Variants in MYO1E observed in about 807,000 individuals in gnomAD.
MYO1E encodes myosin IE.
In MYO1E, 68 loss-of-function variants were observed where a neutral mutation model predicts 151.1. The observed-to-expected ratio is 0.45, with a 90% CI of 0.37 to 0.55. The LOEUF (loss-of-function observed/expected upper bound fraction) is 0.55. MYO1E is among the 20% of genes least tolerant of loss of function. The pLI is 0.00. For missense variants in MYO1E, 1,363 were observed against 1,389.3 expected, an observed-to-expected ratio of 0.98 and a Z score of 0.30; for synonymous variants, 601 against 501.7, an observed-to-expected ratio of 1.20 and a Z score of -2.64.
chr15:59,142,553 G>A (rs2079416641), intron 26 of MYO1E, among the ~76,000 whole-genome samples: 1 of 152,096 alleles, frequency 6.6e-6, no homozygotes, highest in Non-Finnish European at 1.5e-5. Flanking sequence ...TAGGACACTT[G>A]GCCCTCATGC....
At chr15:59,149,865 T>C (rs1317830266) in intron 26 of MYO1E, among the ~76,000 whole-genome samples, 1 of 152,224 alleles carries the variant, frequency 6.6e-6, no homozygotes, top group Non-Finnish European at 1.5e-5. Flanking sequence ...GGAATTTTCA[T>C]GTTTATGGAA....
chr15:59,266,621 A>G (rs1373134413), intron 2 of MYO1E: 3 of 149,042 alleles, frequency 2.0e-5, no homozygotes, highest in African/African-American at 7.6e-5. Context: ...ATGAAATGTG[A>G]TGGCAGTACA....
At chr15:59,186,607 T>C (rs2079699769) in intron 18 of MYO1E, among the ~76,000 whole-genome samples, 1 of 152,148 alleles carries the variant, frequency 6.6e-6, no homozygotes, top group Non-Finnish European at 1.5e-5. Flanking sequence ...AAAAGTCATC[T>C]GGGCATGGTG....
At position 59,165,091 on chromosome 15, in the gene MYO1E, C is replaced by T. The variant is rs74616956; in HGVS notation, c.2481-1788G>A. 3.3e-3 allele frequency among the ~76,000 whole-genome samples: 508 copies of T among 152,306 alleles called. 2 individuals carry two copies. Among genetic ancestry groups the T allele is most frequent in the African/African-American group, 0.012 (479 of 41,560 alleles). ...GCCTGCACCTTGACCTTGGACTTCCCGGTCTCTAGAACTGTAAAAATTAAA... is the reference window on the plus strand; with the variant it reads ...GCCTGCACCTTGACCTTGGACTTCCTGGTCTCTAGAACTGTAAAAATTAAA... On this transcript the variant is annotated intron_variant, in intron 22 of 27. Coordinates refer to ENST00000288235, the MANE Select transcript of MYO1E (RefSeq NM_004998.4).
intron 26 of MYO1E, among the ~76,000 whole-genome samples, chr15:59,141,874 G>C (rs7173999): frequency 6.6e-6 from 1 of 150,964 alleles, no homozygotes; most frequent in African/African-American, 2.4e-5. Context: ...TGGGGAGGCC[G>C]AGGTGGGTGG....
Position 59,207,118 on chromosome 15 carries a change from C to T in MYO1E, c.1530+1563G>A, listed in dbSNP as rs369242517. 3.7e-6 allele frequency: 6 copies of T among 1,614,070 alleles called. No individual in the cohort carries two copies. In the African/African-American group the frequency reaches 5.3e-5, roughly 14 times the overall value. On this transcript the variant is annotated intron_variant, in intron 14 of 27. Coordinates refer to ENST00000288235, the MANE Select transcript of MYO1E (RefSeq NM_004998.4). ...GACTGTGAAGAGTGAGCTTATTGAG[C>T]GTTTCACTTCCGAGAAGCCCGTTCA...
At chr15:59,214,780 G>A in intron 10 of MYO1E, 60 bp from the exon 11 acceptor site, 13 of 1,338,478 alleles carry the variant, frequency 9.7e-6, no homozygotes, top group Non-Finnish European at 1.4e-5. Context: ...AAACGGGCAT[G>A]CACTGGGGAA....
At chr15:59,186,662 G>C (rs1478229660) in intron 18 of MYO1E, among the ~76,000 whole-genome samples, 1 of 152,154 alleles carries the variant, frequency 6.6e-6, no homozygotes, top group Non-Finnish European at 1.5e-5. Context: ...AGGTGGGAGA[G>C]AATGGCTTGA....
chr15:59,357,176 G>A lies in MYO1E; in HGVS notation c.3+15322C>T, dbSNP rs548224273. ...CCACCTCAGCCTCTCAAAGTGCTGG[G>A]ATTACAGGTGTGAGCCACCGTGCCT... On this transcript the variant is annotated intron_variant, in intron 1 of 27. Coordinates refer to ENST00000288235, the MANE Select transcript of MYO1E (RefSeq NM_004998.4). Among the ~76,000 whole-genome samples, 4 of 152,142 alleles carry A rather than the reference G, an allele frequency of 2.6e-5. No individual in the cohort carries two copies. The South Asian group carries it at 6.2e-4, about 24-fold the overall frequency.
chr15:59,165,195 C>T (rs1163005852), intron 22 of MYO1E, among the ~76,000 whole-genome samples: 2 of 152,092 alleles, frequency 1.3e-5, no homozygotes, highest in African/African-American at 2.4e-5. Flanking sequence ...AAAAAGAGGT[C>T]GAAGGAACCA....
At chr15:59,191,366 G>GAGAGAGAGAGAGAGAGAGAGAGAA (rs1566974739) in intron 17 of MYO1E, among the ~76,000 whole-genome samples, 1 of 140,998 alleles carries the variant, frequency 7.1e-6, no homozygotes, top group African/African-American at 2.6e-5. Flanking sequence ...GAGAGAGAGA[G>GAGAGAGAGAGAGAGAGAGAGAGAA]AGAAAGAAAT....
chr15:59,247,020 A>G (rs1307147176), intron 4 of MYO1E, among the ~76,000 whole-genome samples: 1 of 151,998 alleles, frequency 6.6e-6, no homozygotes, highest in African/African-American at 2.4e-5. Context: ...ACATAAGAAG[A>G]CCCTGTCGCT....
intron 5 of MYO1E, among the ~76,000 whole-genome samples, chr15:59,236,185 A>G (rs2080061934): frequency 1.3e-5 from 2 of 151,860 alleles, no homozygotes; most frequent in South Asian, 4.2e-4. Context: ...TCTACTAAAA[A>G]TACAAAAATT....
intron 23 of MYO1E, among the ~76,000 whole-genome samples, chr15:59,161,990 G>A (rs2079540583): frequency 6.6e-6 from 1 of 152,142 alleles, no homozygotes; most frequent in Admixed American, 6.5e-5. Context: ...AAAGATGGAG[G>A]ATATTCCCAT....
At chr15:59,285,978 T>C (rs1218482463) in intron 1 of MYO1E, among the ~76,000 whole-genome samples, 2 of 152,218 alleles carry the variant, frequency 1.3e-5, no homozygotes, top group African/African-American at 4.8e-5. Context: ...CTAATTCAAT[T>C]ACACAGCCAA....
At chr15:59,220,628 T>A (rs2079948650) in intron 9 of MYO1E, among the ~76,000 whole-genome samples, 1 of 152,166 alleles carries the variant, frequency 6.6e-6, no homozygotes, top group Non-Finnish European at 1.5e-5. Flanking sequence ...CACTTCCCTC[T>A]ACAAATTTAT....
At chr15:59,170,543 AT>A (rs2079586811) in intron 22 of MYO1E, among the ~76,000 whole-genome samples, 1 of 151,992 alleles carries the variant, frequency 6.6e-6, no homozygotes, top group Non-Finnish European at 1.5e-5. Context: ...AGTGAGCTGA[AT>A]GTTTAGGAAG....
At chr15:59,246,200 C>T (rs1373947679) in intron 4 of MYO1E, among the ~76,000 whole-genome samples, 1 of 152,080 alleles carries the variant, frequency 6.6e-6, no homozygotes, top group Non-Finnish European at 1.5e-5. Flanking sequence ...TCACTGCAAC[C>T]TCTGCCTCCT....
intron 1 of MYO1E, among the ~76,000 whole-genome samples, chr15:59,285,766 T>A (rs1237669098): frequency 2.6e-5 from 4 of 152,240 alleles, no homozygotes; most frequent in African/African-American, 9.6e-5. Context: ...AGTCAGCCTA[T>A]TAAATGCATA....
Sources: gnomAD v4.1 joint callset for allele counts (sites outside exome capture counted in the v4.1 genomes callset) on GRCh38, gnomAD v4.1.1 for gene constraint, MANE v1.5 for transcripts, NCBI Gene and HGNC (gene_info 2026-07-23, HGNC 2026-07-21) for gene names.